Variants in ARAP2 observed in about 807,000 individuals in gnomAD.
The protein encoded by ARAP2 is arf-GAP with Rho-GAP domain, ANK repeat and PH domain-containing protein 2.
A neutral mutation model predicts 194.5 loss-of-function variants in ARAP2; 148 were observed. The ratio of observed to expected loss-of-function variants is 0.76; its 90% CI spans 0.67 to 0.87. The LOEUF is 0.87. ARAP2 is among the 40% of genes least tolerant of loss of function. The probability of loss-of-function intolerance (pLI) is 0.00; values close to 1 mark genes in which losing one functional copy is unlikely to be tolerated. For synonymous variants in ARAP2, 695 were observed against 683.5 expected, an observed-to-expected ratio of 1.02 and a Z score of -0.26; for missense variants, 2,128 against 1,989.7, an observed-to-expected ratio of 1.07 and a Z score of -1.32.
chr4:36,168,914 G>A (rs915377432), intron 9 of ARAP2, among the ~76,000 whole-genome samples: 19 of 152,158 alleles, frequency 1.2e-4, no homozygotes, highest in Admixed American at 1.1e-3. Context: ...CCAATCTGCC[G>A]CATTTTAATA....
chr4:36,035,815 G>A (rs937427723), intron 5 of ARAP2, among the ~76,000 whole-genome samples: 2 of 152,068 alleles, frequency 1.3e-5, no homozygotes, highest in African/African-American at 2.4e-5. Flanking sequence ...TTTGGCAGAA[G>A]GAATATGATG....
At chr4:36,212,059 G>A (rs1395474452) in intron 5 of ARAP2, among the ~76,000 whole-genome samples, 1 of 7,448 alleles carries the variant, frequency 1.3e-4, no homozygotes. Flanking sequence ...GCATAGTGAT[G>A]TTCTGCACTG....
At chr4:36,195,667 C>T (rs1411920116) in intron 6 of ARAP2, among the ~76,000 whole-genome samples, 1 of 152,218 alleles carries the variant, frequency 6.6e-6, no homozygotes, top group Non-Finnish European at 1.5e-5. Flanking sequence ...CATTACCCCA[C>T]TATTCCCTTT....
chr4:36,215,169 T>C (rs1009886335), intron 2 of ARAP2, among the ~76,000 whole-genome samples: 2 of 152,216 alleles, frequency 1.3e-5, no homozygotes, highest in Non-Finnish European at 2.9e-5. Flanking sequence ...GGCAGATTTA[T>C]ACTATACAAT....
At chr4:36,159,087 T>C (rs17516878) in intron 14 of ARAP2, among the ~76,000 whole-genome samples, 3,157 of 152,266 alleles carry the variant, frequency 0.021, 52 homozygotes, top group African/African-American at 0.035. Flanking sequence ...TTGGTGGAAA[T>C]GATTATGTGG....
chr4:36,159,498 CAT>C lies in ARAP2; in HGVS notation c.2448_2449del (p.Ala818CysfsTer30). 2 of 1,540,334 alleles carry C rather than the reference CAT, an allele frequency of 1.3e-6. No individual in the cohort carries two copies. Among genetic ancestry groups the C allele is most frequent in the Non-Finnish European group, 1.8e-6 (2 of 1,138,240 alleles). On this transcript the variant is annotated frameshift_variant, in exon 14 of 33. Coordinates refer to ENST00000303965, the MANE Select transcript of ARAP2 (RefSeq NM_015230.4). LOFTEE classifies it high-confidence loss of function. ...AACATCCGGTTTCACTACAGCAGCA[CAT>C]AGAGCCTGGTCATTAAAAGAAAATA... is the stretch of plus-strand genomic sequence containing the variant.
At chr4:36,013,925 C>G (rs1715035576) in intron 8 of ARAP2, among the ~76,000 whole-genome samples, 1 of 151,952 alleles carries the variant, frequency 6.6e-6, no homozygotes, top group African/African-American at 2.4e-5. Flanking sequence ...GGAACTCAAC[C>G]TGTTGAATAA....
chr4:36,028,896 G>T (rs975247787), intron 5 of ARAP2, among the ~76,000 whole-genome samples: 1 of 151,744 alleles, frequency 6.6e-6, no homozygotes, highest in African/African-American at 2.4e-5. Context: ...AGATGAAAGG[G>T]CCATTTTTTT....
chr4:36,069,991 C>T (rs181283776), intron 32 of ARAP2, among the ~76,000 whole-genome samples: 109 of 152,210 alleles, frequency 7.2e-4, no homozygotes, highest in African/African-American at 2.4e-3. Context: ...TTCCCCTTTG[C>T]GTTCTGCTAT....
At chr4:36,058,660 A>G (rs1482950336) in intron 1 of ARAP2, among the ~76,000 whole-genome samples, 1 of 152,058 alleles carries the variant, frequency 6.6e-6, no homozygotes, top group Non-Finnish European at 1.5e-5. Flanking sequence ...AAGCTACTTC[A>G]TTATGCCATG....
rs112831855 is a variant in ARAP2, at chr4:36,116,934, T to A, written c.4038+127A>T. The stretch of plus-strand genomic sequence containing the variant: ...CTGGGGGATATCACTATAAAAAGTC[T>A]ATGTTGTCAGTCGTTTGAACTGGAG... On this transcript the variant is annotated intron_variant, in intron 25 of 32. Coordinates refer to ENST00000303965, the MANE Select transcript of ARAP2 (RefSeq NM_015230.4). The A allele has an allele frequency of 9.4e-4, 463 of 491,102 alleles. 1 individual carries two copies. The highest frequency in any genetic ancestry group is 7.2e-3 in the African/African-American group (357 of 49,304). The allele number at this position is 491,102 out of a possible 1,614,324, so 30.4% of individuals were successfully genotyped here.
chr4:36,069,419 G>A (rs1726283926), intron 32 of ARAP2, among the ~76,000 whole-genome samples: 1 of 151,916 alleles, frequency 6.6e-6, no homozygotes, highest in Non-Finnish European at 1.5e-5. Flanking sequence ...GTTGAACAAT[G>A]TAAATACAAC....
chr4:36,144,106 T>C (rs1729012308), intron 19 of ARAP2, among the ~76,000 whole-genome samples: 1 of 151,762 alleles, frequency 6.6e-6, no homozygotes, highest in Non-Finnish European at 1.5e-5. Flanking sequence ...TTCTAATCCA[T>C]GTTTGCTACA....
intron 27 of ARAP2, among the ~76,000 whole-genome samples, chr4:36,097,392 T>A (rs1409940256): frequency 6.6e-6 from 1 of 152,054 alleles, no homozygotes; most frequent in Non-Finnish European, 1.5e-5. Flanking sequence ...GATGTTAAAA[T>A]AAGTAGAAAG....
At chr4:36,142,535 A>G (rs1227253127) in intron 19 of ARAP2, among the ~76,000 whole-genome samples, 3 of 151,312 alleles carry the variant, frequency 2.0e-5, no homozygotes, top group Admixed American at 1.3e-4. Context: ...GCTCTCCCCC[A>G]AGTCACCAGA....
chr4:36,200,616 C>A (rs865928662), intron 6 of ARAP2, among the ~76,000 whole-genome samples: 2 of 152,062 alleles, frequency 1.3e-5, no homozygotes, highest in East Asian at 1.9e-4. Flanking sequence ...ACAAATTAAT[C>A]AAAATTTCAA....
chr4:36,208,877 T>C (rs1439696476), intron 6 of ARAP2, among the ~76,000 whole-genome samples: 1 of 152,048 alleles, frequency 6.6e-6, no homozygotes, highest in Non-Finnish European at 1.5e-5. Flanking sequence ...TTATTTCCCC[T>C]AAAATGGAAA....
chr4:36,112,946 C>T (rs1212720659), intron 26 of ARAP2, among the ~76,000 whole-genome samples: 1 of 151,802 alleles, frequency 6.6e-6, no homozygotes, highest in African/African-American at 2.4e-5. Flanking sequence ...AAAAATAAAA[C>T]AGGTAACATG....
At chr4:36,196,969 T>G (rs564263354) in intron 6 of ARAP2, among the ~76,000 whole-genome samples, 9 of 151,882 alleles carry the variant, frequency 5.9e-5, no homozygotes, top group African/African-American at 1.9e-4. Context: ...TTCCTGACTA[T>G]GCATAGATCA....
Sources: allele counts gnomAD v4.1 joint callset (sites outside exome capture counted in the v4.1 genomes callset), GRCh38; gene constraint gnomAD v4.1.1; transcripts MANE v1.5; gene names NCBI Gene and HGNC (gene_info 2026-07-23, HGNC 2026-07-21).